The following LRRC28 variants were observed in gnomAD, a reference collection of about 807,000 sequenced individuals.
LRRC28 encodes the protein leucine rich repeat containing 28.
In LRRC28, 39 loss-of-function variants were observed where a neutral mutation model predicts 45.7. That is an observed-to-expected ratio of 0.85 (90% CI 0.66 to 1.12). LRRC28 has a LOEUF of 1.12. Ranked by LOEUF, LRRC28 falls within the 50% of genes most tolerant of loss-of-function variation. The pLI, the probability that LRRC28 is intolerant of heterozygous loss-of-function variation, is 0.00. For missense variants in LRRC28, 435 were observed against 438.5 expected (o/e 0.99, Z 0.07); for synonymous variants, 206 against 178.8 (o/e 1.15, Z -1.22).
At chr15:99,285,187 T>G (rs2081925127) in intron 3 of LRRC28, 3 of 727,988 alleles carry the variant, frequency 4.1e-6, no homozygotes, top group Non-Finnish European at 7.6e-6. Context: ...TTCAATCACT[T>G]CAATTTTTCC....
At chr15:99,253,588 G>C (rs1436003937) in intron 1 of LRRC28, among the ~76,000 whole-genome samples, 1 of 152,234 alleles carries the variant, frequency 6.6e-6, no homozygotes, top group Non-Finnish European at 1.5e-5. Flanking sequence ...GGTGGGGGCA[G>C]ATGGTGAGGC....
intron 8 of LRRC28, among the ~76,000 whole-genome samples, chr15:99,362,183 T>C (rs1264607899): frequency 1.3e-5 from 2 of 152,270 alleles, no homozygotes; most frequent in South Asian, 2.1e-4. Flanking sequence ...GTGAAATGTT[T>C]CGTCTTTACT....
At chr15:99,313,664 C>T (rs184827195) in intron 5 of LRRC28, among the ~76,000 whole-genome samples, 4 of 152,176 alleles carry the variant, frequency 2.6e-5, no homozygotes, top group Non-Finnish European at 2.9e-5. Context: ...AACTAATTTT[C>T]TCATTTCTTA....
At chr15:99,325,786 G>C (rs966900477) in intron 5 of LRRC28, among the ~76,000 whole-genome samples, 1 of 152,170 alleles carries the variant, frequency 6.6e-6, no homozygotes, top group Non-Finnish European at 1.5e-5. Context: ...GGTGGGCCAG[G>C]GCTGATCTGG....
At chr15:99,368,563 C>A (rs959857618) in intron 9 of LRRC28, among the ~76,000 whole-genome samples, 3 of 152,118 alleles carry the variant, frequency 2.0e-5, no homozygotes, top group African/African-American at 7.2e-5. Context: ...GTTGCCCTAC[C>A]CTTGGGCTTT....
chr15:99,259,784 C>T, intron 2 of LRRC28: 1 of 1,145,796 alleles, frequency 8.7e-7, no homozygotes, highest in East Asian at 2.3e-5. Flanking sequence ...AGCAATGCAG[C>T]AGTGATTCGG....
chr15:99,258,702 C>G, intron 2 of LRRC28: 1 of 713,176 alleles, frequency 1.4e-6, no homozygotes, highest in Non-Finnish European at 2.6e-6. Flanking sequence ...AAATCATTTT[C>G]AAAGGAAAGT....
At chr15:99,300,521 A>G (rs2082370057) in intron 5 of LRRC28, among the ~76,000 whole-genome samples, 1 of 152,176 alleles carries the variant, frequency 6.6e-6, no homozygotes, top group Admixed American at 6.5e-5. Flanking sequence ...ACATTGGAAA[A>G]TATTTTTAAA....
chr15:99,298,108 A>G (rs1043137169), intron 5 of LRRC28, among the ~76,000 whole-genome samples: 5 of 152,122 alleles, frequency 3.3e-5, no homozygotes, highest in African/African-American at 9.7e-5. Context: ...AGCCTCTGCC[A>G]TCAATCATGC....
At chr15:99,283,438 C>T (rs1014687141) in intron 3 of LRRC28, among the ~76,000 whole-genome samples, 2 of 149,604 alleles carry the variant, frequency 1.3e-5, no homozygotes, top group African/African-American at 4.9e-5. Flanking sequence ...ATGCTGAAAC[C>T]CCATCTCTAC....
intron 9 of LRRC28, among the ~76,000 whole-genome samples, chr15:99,383,655 G>A (rs149780168): frequency 1.4e-3 from 208 of 152,222 alleles, no homozygotes; most frequent in African/African-American, 4.1e-3. Flanking sequence ...TCTGATAATC[G>A]TATATCTATG....
chr15:99,348,381 A>C (rs1200988221), intron 6 of LRRC28, among the ~76,000 whole-genome samples: 1 of 152,058 alleles, frequency 6.6e-6, no homozygotes, highest in Non-Finnish European at 1.5e-5. Context: ...CCTATGTTTT[A>C]TTCTAGGAGC....
chr15:99,283,912 A>G (rs1373954854), intron 3 of LRRC28, among the ~76,000 whole-genome samples: 1 of 152,212 alleles, frequency 6.6e-6, no homozygotes, highest in African/African-American at 2.4e-5. Flanking sequence ...TGAAAGTCCT[A>G]AGCCTGTGAT....
chr15:99,347,197 G>A (rs1436543852), intron 6 of LRRC28, among the ~76,000 whole-genome samples: 10 of 149,572 alleles, frequency 6.7e-5, no homozygotes, highest in East Asian at 6.0e-4. Context: ...CCTTGTGTAC[G>A]TGAGCTCCCT....
chr15:99,348,283 A>C (rs1956759774), intron 6 of LRRC28, among the ~76,000 whole-genome samples: 1 of 151,964 alleles, frequency 6.6e-6, no homozygotes. Flanking sequence ...AATTTGATGT[A>C]GTCTCCTTTA....
At chr15:99,366,637 T>C (rs972499508) in intron 9 of LRRC28, among the ~76,000 whole-genome samples, 5 of 152,106 alleles carry the variant, frequency 3.3e-5, no homozygotes, top group African/African-American at 1.2e-4. Context: ...TCTCTTCTTA[T>C]AAGGGCACAA....
intron 5 of LRRC28, among the ~76,000 whole-genome samples, chr15:99,305,167 C>A (rs1955138354): frequency 6.6e-6 from 1 of 152,162 alleles, no homozygotes; most frequent in Admixed American, 6.5e-5. Context: ...TAAAAGGAGA[C>A]TAGATGAAGG....
rs36089095 is a variant in LRRC28 at position 99,347,206 on chromosome 15, CT to C, written c.593-5151del. Among the ~76,000 whole-genome samples the C allele has an allele frequency of 2.9e-3, 415 of 143,822 alleles. 3 individuals are homozygous for C. The highest frequency in any genetic ancestry group is 0.015 in the East Asian group (77 of 4,982). 94.4% of individuals were successfully genotyped at this position (143,822 alleles called of 152,430 possible). A position where few individuals can be genotyped will look rare whatever the true frequency, so the allele number is the denominator to read the frequency against. On this transcript the variant is annotated intron_variant, in intron 6 of 9. Coordinates refer to ENST00000301981, the MANE Select transcript of LRRC28 (RefSeq NM_144598.5). The stretch of plus-strand genomic sequence containing the variant: ...CAATCTCCTTGTGTACGTGAGCTCC[CT>C]TTTTTTTTTTTGTCTTTTTTTAGAT...
intron 7 of LRRC28, among the ~76,000 whole-genome samples, chr15:99,357,617 C>T (rs956153677): frequency 6.6e-6 from 1 of 152,072 alleles, no homozygotes; most frequent in African/African-American, 2.4e-5. Context: ...TTGTTCTTGA[C>T]CTTGGTGGTG....
Sources: gnomAD v4.1 joint callset for allele counts (sites outside exome capture counted in the v4.1 genomes callset) on GRCh38, gnomAD v4.1.1 for gene constraint, MANE v1.5 for transcripts, NCBI Gene and HGNC (gene_info 2026-07-23, HGNC 2026-07-21) for gene names.